The following NELL2 variants were observed in gnomAD, a reference collection of about 807,000 sequenced individuals.
NELL2 encodes the protein protein kinase C-binding protein NELL2.
NELL2 carries 41 observed loss-of-function variants against 109.6 expected under a neutral mutation model. The ratio of observed to expected loss-of-function variants is 0.37; its 90% CI spans 0.29 to 0.49. The LOEUF (loss-of-function observed/expected upper bound fraction) is 0.49, where lower values mean the gene tolerates loss of function less well. Among genes scored for constraint, NELL2 ranks in the 20% least tolerant of loss-of-function variants. The pLI is 0.98. For synonymous variants in NELL2, 355 were observed against 344.7 expected (o/e 1.03, Z -0.33); for missense variants, 900 against 1,008.3 (o/e 0.89, Z 1.45).
At chr12:44,673,610 C>T (rs904922298) in intron 12 of NELL2, among the ~76,000 whole-genome samples, 31 of 152,226 alleles carry the variant, frequency 2.0e-4, no homozygotes, top group Admixed American at 2.0e-4. Context: ...GAGTGCCCCA[C>T]TGGGCCACAT....
At chr12:44,831,608 T>A (rs1592618995) in intron 2 of NELL2, among the ~76,000 whole-genome samples, 1 of 152,164 alleles carries the variant, frequency 6.6e-6, no homozygotes, top group African/African-American at 2.4e-5. Context: ...TTCCCCTATA[T>A]CCTTTTCAGC....
intron 16 of NELL2, among the ~76,000 whole-genome samples, chr12:44,530,867 G>A (rs140608768): frequency 2.0e-5 from 3 of 152,254 alleles, no homozygotes; most frequent in East Asian, 3.9e-4. Flanking sequence ...ACCCTGAACC[G>A]GAGCCACCCA....
chr12:44,721,075 G>A (rs753866246), intron 9 of NELL2, among the ~76,000 whole-genome samples: 1 of 152,200 alleles, frequency 6.6e-6, no homozygotes, highest in Non-Finnish European at 1.5e-5. Flanking sequence ...GTTAGAGAAT[G>A]TATATGCTGA....
At chr12:44,562,979 C>T (rs553283167) in intron 15 of NELL2, among the ~76,000 whole-genome samples, 9 of 151,902 alleles carry the variant, frequency 5.9e-5, no homozygotes, top group African/African-American at 1.2e-4. Flanking sequence ...CTGAATACTA[C>T]GCAGCCATAA....
upstream of NELL2, among the ~76,000 whole-genome samples, chr12:44,879,245 G>C (rs1036605719): frequency 1.3e-5 from 2 of 152,158 alleles, no homozygotes; most frequent in African/African-American, 2.4e-5. Flanking sequence ...CTGATAACTT[G>C]ACTCTTGCCC....
At chr12:44,664,401 T>C (rs560167627) in intron 13 of NELL2, among the ~76,000 whole-genome samples, 1 of 152,074 alleles carries the variant, frequency 6.6e-6, no homozygotes, top group Non-Finnish European at 1.5e-5. Context: ...TTGAATGCCA[T>C]CATTTTGTTT....
intron 15 of NELL2, among the ~76,000 whole-genome samples, chr12:44,563,226 A>T (rs1943535333): frequency 6.6e-6 from 1 of 152,126 alleles, no homozygotes; most frequent in Admixed American, 6.5e-5. Flanking sequence ...TGACAGGTTG[A>T]TTGGTGCAGC....
intron 2 of NELL2, among the ~76,000 whole-genome samples, chr12:44,852,176 C>G (rs1944553263): frequency 6.6e-6 from 1 of 152,092 alleles, no homozygotes; most frequent in Admixed American, 6.6e-5. Flanking sequence ...GAATGAAGAG[C>G]CTATTGCCTG....
intron 18 of NELL2, among the ~76,000 whole-genome samples, chr12:44,521,643 A>C (rs1431882372): frequency 6.6e-6 from 1 of 151,776 alleles, no homozygotes; most frequent in African/African-American, 2.4e-5. Context: ...AAAAAAGAGT[A>C]TTTTTTTTAT....
intron 15 of NELL2, among the ~76,000 whole-genome samples, chr12:44,605,356 A>T (rs1181565130): frequency 6.6e-6 from 1 of 152,192 alleles, no homozygotes; most frequent in Admixed American, 6.5e-5. Flanking sequence ...AGGGAAGTTA[A>T]GTAACTTGCC....
chr12:44,825,700 C>A (rs1403531870), intron 2 of NELL2, among the ~76,000 whole-genome samples: 4 of 148,360 alleles, frequency 2.7e-5, no homozygotes, highest in Admixed American at 1.3e-4. Flanking sequence ...CCAGCCTATT[C>A]ATTTCTTTTT....
chr12:44,559,325 A>G (rs1315482993), intron 15 of NELL2, among the ~76,000 whole-genome samples: 2 of 152,224 alleles, frequency 1.3e-5, no homozygotes, highest in African/African-American at 4.8e-5. Flanking sequence ...TTCACACATA[A>G]CAATATTAAC....
intron 12 of NELL2, among the ~76,000 whole-genome samples, chr12:44,700,272 T>C (rs1949188288): frequency 6.6e-6 from 1 of 152,196 alleles, no homozygotes; most frequent in Admixed American, 6.5e-5. Flanking sequence ...TCACTGGCTT[T>C]CGTCCATTGG....
chr12:44,814,360 T>C (rs1403108409), intron 3 of NELL2, among the ~76,000 whole-genome samples: 2 of 152,128 alleles, frequency 1.3e-5, no homozygotes, highest in Non-Finnish European at 2.9e-5. Flanking sequence ...GTAGAGGTAA[T>C]CAGAAATACA....
intron 12 of NELL2, among the ~76,000 whole-genome samples, chr12:44,667,649 C>T (rs1488006924): frequency 6.6e-6 from 1 of 152,172 alleles, no homozygotes; most frequent in Non-Finnish European, 1.5e-5. Context: ...AGGATCATAA[C>T]AGCGAGTAGA....
At chr12:44,892,086 G>T (rs1325385252) in intron 1 of NELL2, among the ~76,000 whole-genome samples, 1 of 152,170 alleles carries the variant, frequency 6.6e-6, no homozygotes, top group Non-Finnish European at 1.5e-5. Flanking sequence ...AAGTTGAGAG[G>T]CTGTCACCCA....
At chr12:44,739,467 T>A (rs1939824632) in intron 9 of NELL2, among the ~76,000 whole-genome samples, 2 of 152,174 alleles carry the variant, frequency 1.3e-5, no homozygotes, top group South Asian at 4.1e-4. Context: ...GCCAAATCTA[T>A]CCACCACCAG....
At chr12:44,770,040 A>G (rs1246487966) in intron 9 of NELL2, among the ~76,000 whole-genome samples, 1 of 152,180 alleles carries the variant, frequency 6.6e-6, no homozygotes, top group Non-Finnish European at 1.5e-5. Context: ...ACCGTGCATT[A>G]CATACTATTT....
At chr12:44,664,415 T>C (rs912603791) in intron 13 of NELL2, among the ~76,000 whole-genome samples, 22 of 152,208 alleles carry the variant, frequency 1.4e-4, no homozygotes, top group Admixed American at 6.5e-4. Flanking sequence ...TTTGTTTTTA[T>C]AAATACTATA....
Sources: gnomAD v4.1 joint callset for allele counts (sites outside exome capture counted in the v4.1 genomes callset) on GRCh38, gnomAD v4.1.1 for gene constraint, MANE v1.5 for transcripts, NCBI Gene and HGNC (gene_info 2026-07-23, HGNC 2026-07-21) for gene names.